The following EDARADD variants were observed in gnomAD, a reference collection of about 807,000 sequenced individuals.
EDARADD encodes ectodysplasin-A receptor-associated adapter protein.
In EDARADD, 20 loss-of-function variants were observed where a neutral mutation model predicts 25.6. The ratio of observed to expected loss-of-function variants is 0.78; its 90% CI spans 0.55 to 1.14. The LOEUF (loss-of-function observed/expected upper bound fraction) is 1.14. EDARADD is among the 50% of genes most tolerant of loss of function. The probability of loss-of-function intolerance (pLI) is 0.00; values close to 1 mark genes in which losing one functional copy is unlikely to be tolerated. For missense variants in EDARADD, 225 were observed against 270.1 expected, an observed-to-expected ratio of 0.83 and a Z score of 1.17; for synonymous variants, 86 against 94.4, an observed-to-expected ratio of 0.91 and a Z score of 0.52.
intron 3 of EDARADD, among the ~76,000 whole-genome samples, chr1:236,427,088 G>C (rs940625579): frequency 6.6e-6 from 1 of 152,098 alleles, no homozygotes; most frequent in Non-Finnish European, 1.5e-5. Context: ...CTCCATGTTG[G>C]TCAGGCTGGT....
chr1:236,401,287 A>T (rs552403438), intron 1 of EDARADD, among the ~76,000 whole-genome samples: 19 of 152,216 alleles, frequency 1.2e-4, no homozygotes, highest in Non-Finnish European at 2.2e-4. Flanking sequence ...GTAATTCTTC[A>T]CTAGAAAGCA....
chr1:236,453,882 T>G (rs995432874), intron 4 of EDARADD, among the ~76,000 whole-genome samples: 3 of 152,176 alleles, frequency 2.0e-5, no homozygotes, highest in Non-Finnish European at 2.9e-5. Flanking sequence ...TCTCAAAAAT[T>G]TAAGTTCTGC....
intron 3 of EDARADD, among the ~76,000 whole-genome samples, chr1:236,421,823 A>C (rs1657793835): frequency 6.6e-6 from 1 of 152,114 alleles, no homozygotes; most frequent in Admixed American, 6.6e-5. Flanking sequence ...AAGGCAGCAC[A>C]TAAATTGAGT....
chr1:236,441,554 C>T (rs575110480), intron 4 of EDARADD, among the ~76,000 whole-genome samples: 2 of 148,764 alleles, frequency 1.3e-5, no homozygotes, highest in African/African-American at 4.9e-5. Flanking sequence ...GATGGAGTCT[C>T]ACTCTATTGA....
At chr1:236,424,226 A>G in intron 3 of EDARADD, among the ~76,000 whole-genome samples, 2 of 120,866 alleles carry the variant, frequency 1.7e-5, no homozygotes, top group East Asian at 2.6e-4. Context: ...CGGTGGTGTG[A>G]TCATGGGTCA....
chr1:236,354,217 CAA>C (rs1666950880), intron 3 of EDARADD, among the ~76,000 whole-genome samples: 1 of 152,200 alleles, frequency 6.6e-6, no homozygotes, highest in Non-Finnish European at 1.5e-5. Flanking sequence ...ACCCAGGAAA[CAA>C]ACCTTGGCTT....
Position 236,427,008 on chromosome 1 carries a change from A to G in EDARADD, c.161-384A>G, listed in dbSNP as rs1170961870. 3.9e-5 allele frequency among the ~76,000 whole-genome samples: 6 copies of G among 152,184 alleles called. No individual in the cohort carries two copies. In the East Asian group the frequency reaches 1.2e-3, roughly 29 times the overall value. ...GTGATTCTCCTGCCTCAGCCTCCAG[A>G]GTAGCTAGGATTACAGGCATGCGCT... is the stretch of plus-strand genomic sequence containing the variant. On this transcript the variant is annotated intron_variant, in intron 3 of 5. Coordinates refer to ENST00000334232, the MANE Select transcript of EDARADD (RefSeq NM_145861.4).
At chr1:236,400,890 A>G (rs1470214904) in intron 1 of EDARADD, among the ~76,000 whole-genome samples, 2 of 151,888 alleles carry the variant, frequency 1.3e-5, no homozygotes, top group Non-Finnish European at 2.9e-5. Context: ...AATAATGACA[A>G]TAGCAGTCAA....
At chr1:236,475,333 A>G (rs564151678) in intron 5 of EDARADD, among the ~76,000 whole-genome samples, 1 of 152,338 alleles carries the variant, frequency 6.6e-6, no homozygotes, top group Non-Finnish European at 1.5e-5. Flanking sequence ...TTGATAGGAG[A>G]AAACCTTGTT....
At chr1:236,416,068 C>T (rs1364910954) in intron 3 of EDARADD, among the ~76,000 whole-genome samples, 1 of 152,214 alleles carries the variant, frequency 6.6e-6, no homozygotes, top group South Asian at 2.1e-4. Flanking sequence ...ACCCTTCTCC[C>T]TGCTCCCTGA....
At chr1:236,447,310 T>C (rs1014949214) in intron 4 of EDARADD, among the ~76,000 whole-genome samples, 1 of 151,622 alleles carries the variant, frequency 6.6e-6, no homozygotes, top group East Asian at 1.9e-4. Flanking sequence ...CAGGCTTCAG[T>C]GCAGTGCTGC....
intron 1 of EDARADD, among the ~76,000 whole-genome samples, chr1:236,403,771 C>T (rs1034440353): frequency 5.3e-5 from 8 of 152,262 alleles, no homozygotes; most frequent in Non-Finnish European, 8.8e-5. Context: ...TGCAGCCCGC[C>T]CTGCCTGCTC....
At chr1:236,480,136 T>TATATATATATATATAA (rs4006552) in intron 5 of EDARADD, among the ~76,000 whole-genome samples, 1 of 135,484 alleles carries the variant, frequency 7.4e-6, no homozygotes, top group Non-Finnish European at 1.6e-5. Flanking sequence ...TATATATATA[T>TATATATATATATATAA]CACATTTTCT....
intron 3 of EDARADD, among the ~76,000 whole-genome samples, chr1:236,416,332 C>T (rs1470678882): frequency 1.3e-5 from 2 of 152,192 alleles, no homozygotes; most frequent in Non-Finnish European, 2.9e-5. Flanking sequence ...TAAAATCAAG[C>T]CTTCAGTCAG....
intron 3 of EDARADD, among the ~76,000 whole-genome samples, chr1:236,374,797 A>G (rs1667206878): frequency 6.6e-6 from 1 of 151,378 alleles, no homozygotes; most frequent in South Asian, 2.1e-4. Context: ...ATGTGCCTTT[A>G]TATTTAAAGT....
At chr1:236,405,772 T>C (rs1442227713) in intron 1 of EDARADD, among the ~76,000 whole-genome samples, 3 of 56,566 alleles carry the variant, frequency 5.3e-5, no homozygotes, top group Non-Finnish European at 1.1e-4. Context: ...TTTCTTTCTT[T>C]CTTTCTTTCT....
In EDARADD at chr1:236,468,410, G is replaced by A. The variant is rs1659274881; in HGVS notation, c.265+134G>A. 30 of 848,646 alleles carry A rather than the reference G, an allele frequency of 3.5e-5. No homozygotes were observed. In the South Asian group the frequency reaches 4.1e-4, roughly 11 times the overall value. 52.6% of individuals were successfully genotyped at this position (848,646 alleles called of 1,614,324 possible). A position where few individuals can be genotyped will look rare whatever the true frequency, so the allele number is the denominator to read the frequency against. On this transcript the variant is annotated intron_variant, in intron 5 of 5. Coordinates refer to ENST00000334232, the MANE Select transcript of EDARADD (RefSeq NM_145861.4). ...AGGCCAAGGTGGGCGGATCACCTGA[G>A]GTCAGGAGTTCAAGACCAGCCTGGC...
intron 4 of EDARADD, among the ~76,000 whole-genome samples, chr1:236,441,282 T>A (rs191126722): frequency 0.012 from 1,745 of 144,332 alleles, 18 homozygotes; most frequent in Non-Finnish European, 0.019. Context: ...TATATATATA[T>A]TATATATATA....
chr1:236,470,352 C>T (rs1226366587), intron 5 of EDARADD, among the ~76,000 whole-genome samples: 1 of 152,116 alleles, frequency 6.6e-6, no homozygotes, highest in Non-Finnish European at 1.5e-5. Flanking sequence ...ATGACAAGCA[C>T]ATATTTATTT....
Sources: gnomAD v4.1 joint callset for allele counts (sites outside exome capture counted in the v4.1 genomes callset) on GRCh38, gnomAD v4.1.1 for gene constraint, MANE v1.5 for transcripts, NCBI Gene and HGNC (gene_info 2026-07-23, HGNC 2026-07-21) for gene names.